The following HPD variants were observed in gnomAD, a reference collection of about 807,000 sequenced individuals.
HPD encodes 4-hydroxyphenylpyruvate dioxygenase.
A neutral mutation model predicts 56.9 loss-of-function variants in HPD; 35 were observed. That is an observed-to-expected ratio of 0.62 (90% CI 0.47 to 0.82). The LOEUF (loss-of-function observed/expected upper bound fraction) is 0.82. HPD is among the 40% of genes least tolerant of loss of function. HPD has a pLI of 0.00. For synonymous variants in HPD, 186 were observed against 200.2 expected (o/e 0.93, Z 0.60); for missense variants, 442 against 506.8 (o/e 0.87, Z 1.23).
At chr12:121,879,991 T>G in the HPD span, among the ~76,000 whole-genome samples, 1 of 151,586 alleles carries the variant, frequency 6.6e-6, no homozygotes, top group Non-Finnish European at 1.5e-5. Context: ...CTACAAAAAT[T>G]TAAAAATTAG....
rs1260018290 is a variant in HPD at position 121,857,194 on chromosome 12, C to T, written c.198+134G>A. The T allele has an allele frequency of 4.4e-6, 3 of 681,392 alleles. No homozygotes were observed. The African/African-American group carries it at 5.3e-5, about 12-fold the overall frequency. 42.2% of individuals were successfully genotyped at this position (681,392 alleles called of 1,614,324 possible). On this transcript the variant is annotated intron_variant, in intron 4 of 13. Coordinates refer to ENST00000289004, the MANE Select transcript of HPD (RefSeq NM_002150.3). Reference sequence around the variant, plus strand: ...TCCCGGGTTCAAGCGATGTGCCTGCCTCAGCCTCCTGAGTAGCTGGGATTA... The same window carrying T: ...TCCCGGGTTCAAGCGATGTGCCTGCTTCAGCCTCCTGAGTAGCTGGGATTA...
intron 10 of HPD, 33 bp downstream of exon 10, chr12:121,847,019 G>C (rs1438086746): frequency 1.2e-6 from 2 of 1,613,862 alleles, no homozygotes; most frequent in Non-Finnish European, 1.7e-6. Context: ...CCTCTTCCCT[G>C]CTCCCCTCTC....
chr12:121,841,074 C>T (rs111773380), intron 12 of HPD, among the ~76,000 whole-genome samples: 61,195 of 151,918 alleles, frequency 0.4, 14,703 homozygotes, highest in Middle Eastern at 0.58. Flanking sequence ...TGGTGGCACA[C>T]GCCTGTTATC....
intron 7 of HPD, among the ~76,000 whole-genome samples, chr12:121,850,661 G>A (rs1433426882): frequency 8.3e-5 from 12 of 145,434 alleles, no homozygotes; most frequent in African/African-American, 2.8e-4. Flanking sequence ...CCAAAGTGCC[G>A]GGATTACAGG....
chr12:121,858,900 G>A, upstream of HPD: 1 of 1,569,798 alleles, frequency 6.4e-7, no homozygotes, highest in Non-Finnish European at 8.8e-7. Context: ...CCCCAAGCAG[G>A]TCCCGCCCAG....
chr12:121,849,596 A>G (rs1251427074), intron 8 of HPD, 91 bp downstream of exon 8: 4 of 891,652 alleles, frequency 4.5e-6, no homozygotes, highest in South Asian at 1.3e-5. Flanking sequence ...TTCTGCCCCA[A>G]CACACATGCG....
chr12:121,886,564 C>T, the HPD span, among the ~76,000 whole-genome samples: 1 of 152,090 alleles, frequency 6.6e-6, no homozygotes, highest in Non-Finnish European at 1.5e-5. Context: ...CGTGGATTTG[C>T]TAATTGTTAC....
rs181889583 is a variant in HPD at position 121,845,461 on chromosome 12, C to T, written c.831+1401G>A. On this transcript the variant is annotated intron_variant, in intron 11 of 13. Coordinates refer to ENST00000289004, the MANE Select transcript of HPD (RefSeq NM_002150.3). ...AATACAAAAAAAAACATTAGCTGGG[C>T]GTGGTGGCGGGTGCCTGTAGTCCCA... Among the ~76,000 whole-genome samples the T allele has an allele frequency of 3.7e-3, 554 of 150,324 alleles. 29 individuals carry two copies. Among genetic ancestry groups the T allele is most frequent in the African/African-American group, 7.8e-3 (311 of 40,006 alleles).
rs1030956300 is a variant in HPD, at chr12:121,858,585, C to T, written c.30+102G>A. 106 of 1,173,130 alleles carry T rather than the reference C, an allele frequency of 9.0e-5. 2 individuals carry two copies. The South Asian group carries it at 1.2e-3, about 13-fold the overall frequency. 72.7% of individuals were successfully genotyped at this position (1,173,130 alleles called of 1,614,324 possible). ...CAGGCATGCACGTCATGTATCCACTCCAGTCCTTCCTCTTCTGCTCTCTGC... is the reference window on the plus strand; with the variant it reads ...CAGGCATGCACGTCATGTATCCACTTCAGTCCTTCCTCTTCTGCTCTCTGC... On this transcript the variant is annotated intron_variant, in intron 2 of 13. Coordinates refer to ENST00000289004, the MANE Select transcript of HPD (RefSeq NM_002150.3).
At chr12:121,888,538 A>T in the HPD span, among the ~76,000 whole-genome samples, 1 of 152,218 alleles carries the variant, frequency 6.6e-6, no homozygotes, top group Non-Finnish European at 1.5e-5. Context: ...GCGCTCAATA[A>T]ATGTCTGCTG....
At chr12:121,880,335 A>C in the HPD span, among the ~76,000 whole-genome samples, 1 of 151,610 alleles carries the variant, frequency 6.6e-6, no homozygotes, top group African/African-American at 2.4e-5. Context: ...CCCTGGGATT[A>C]CATGCGCCCA....
the HPD span, among the ~76,000 whole-genome samples, chr12:121,878,017 T>G: frequency 6.6e-6 from 1 of 152,160 alleles, no homozygotes; most frequent in African/African-American, 2.4e-5. Context: ...TGCCGGGCTC[T>G]GCGGGGAGGG....
chr12:121,856,656 G>A, intron 4 of HPD, 31 bp from the exon 5 acceptor site: 1 of 1,610,010 alleles, frequency 6.2e-7, no homozygotes, highest in Non-Finnish European at 8.5e-7. Context: ...GGTGAGGCTA[G>A]TGGCTCAGGG....
upstream of HPD, among the ~76,000 whole-genome samples, chr12:121,861,642 C>T (rs1042286469): frequency 1.3e-5 from 2 of 152,148 alleles, no homozygotes; most frequent in African/African-American, 2.4e-5. Flanking sequence ...TGGAGATACA[C>T]TTTCAGGGTT....
At chr12:121,860,904 T>C (rs1480312234), upstream of HPD, among the ~76,000 whole-genome samples, 1 of 151,464 alleles carries the variant, frequency 6.6e-6, no homozygotes, top group Non-Finnish European at 1.5e-5. Context: ...AGAACTTGTA[T>C]CAAAAATAGA....
At position 121,846,928 on chromosome 12, in the gene HPD, A is replaced by G. The variant is rs767720774; in HGVS notation, c.765T>C (p.Tyr255=). 42 of 1,613,978 alleles carry G rather than the reference A, an allele frequency of 2.6e-5. No homozygotes were observed. Among genetic ancestry groups the G allele is most frequent in the Non-Finnish European group, 2.7e-5 (32 of 1,180,014 alleles). ...CCCCAGCGCCCCCGTTATAGTCCAC[A>G]TATTCCTGGGGGAGGGAAACAAGGA... ...PGKKKSQIQE[Y]VDYNGGAGVQ... Residue 255 remains tyrosine (Y), a synonymous_variant, in exon 11 of 14, where the codon TAT becomes TAC. Coordinates refer to ENST00000289004, the MANE Select transcript of HPD (RefSeq NM_002150.3).
chr12:121,842,249 G>A (rs893266098), intron 12 of HPD, among the ~76,000 whole-genome samples: 2 of 151,530 alleles, frequency 1.3e-5, no homozygotes, highest in Admixed American at 6.6e-5. Flanking sequence ...TCAGCCTCCT[G>A]AGTAGCTGGG....
chr12:121,858,944 G>T, upstream of HPD: 1 of 1,137,214 alleles, frequency 8.8e-7, no homozygotes, highest in Non-Finnish European at 1.3e-6. Context: ...GGGGTGGGGA[G>T]CTGAGCCCAG....
the HPD span, among the ~76,000 whole-genome samples, chr12:121,875,296 G>T: frequency 3.9e-5 from 6 of 152,266 alleles, no homozygotes; most frequent in South Asian, 1.2e-3. Flanking sequence ...CAAGGGCCAT[G>T]GTTTACCCAC....
Sources: gnomAD v4.1 joint callset for allele counts (sites outside exome capture counted in the v4.1 genomes callset) on GRCh38, gnomAD v4.1.1 for gene constraint, MANE v1.5 for transcripts, NCBI Gene and HGNC (gene_info 2026-07-23, HGNC 2026-07-21) for gene names.